ARHGEF1: variants seen among roughly 807,000 people sequenced by gnomAD.
ARHGEF1 encodes the protein 115 kDa guanine nucleotide exchange factor.
ARHGEF1 carries 40 observed loss-of-function variants against 119.7 expected under a neutral mutation model. The ratio of observed to expected loss-of-function variants is 0.33; its 90% confidence interval spans 0.26 to 0.44. The LOEUF is 0.44. Ranked by LOEUF, ARHGEF1 falls within the 20% of genes least tolerant of loss-of-function variation. ARHGEF1 has a pLI of 1.00. For synonymous variants in ARHGEF1, 494 were observed against 521.0 expected (o/e 0.95, Z 0.71); for missense variants, 976 against 1,268.3 (o/e 0.77, Z 3.50).
chr19:41,895,213 T>G (rs1179984946), intron 11 of ARHGEF1, 136 bp from the exon 12 acceptor site: 9 of 1,189,166 alleles, frequency 7.6e-6, no homozygotes, highest in Non-Finnish European at 1.1e-5. Flanking sequence ...GGTTGAGGGC[T>G]CCTGGGTCTG....
At chr19:41,886,984 A>T (rs2074303048) in intron 1 of ARHGEF1, among the ~76,000 whole-genome samples, 1 of 152,170 alleles carries the variant, frequency 6.6e-6, no homozygotes, top group Non-Finnish European at 1.5e-5. Context: ...AGAAGTGGAG[A>T]CTCAAGGAGA....
At chr19:41,894,710 A>T (rs1555847162) in intron 11 of ARHGEF1, 49 bp downstream of exon 11, 2 of 1,602,570 alleles carry the variant, frequency 1.2e-6, no homozygotes, top group Admixed American at 1.7e-5. Context: ...TGTGTGGGAG[A>T]GGCTAGGACC....
chr19:41,912,793 C>A (rs2074761209), intron 18 of ARHGEF1: 1 of 388,636 alleles, frequency 2.6e-6, no homozygotes, highest in Non-Finnish European at 3.5e-6. Flanking sequence ...AAGGGGGATG[C>A]GGCTCACTGG....
chr19:41,894,919 G>C (rs1655136434), intron 11 of ARHGEF1, among the ~76,000 whole-genome samples: 1 of 111,480 alleles, frequency 9.0e-6, no homozygotes. Flanking sequence ...TCTGAGGGAG[G>C]AGGGGCTGGG....
In ARHGEF1 at chr19:41,916,207, C is replaced by T. The variant is rs1296128130; in HGVS notation, c.1866-6885C>T. On this transcript the variant is annotated intron_variant, in intron 18 of 20. Transcript: ENST00000599589. This position sits in a 1 kb window ranked among gnomAD's most constrained non-coding sequence, Gnocchi z 5.4. ...CCACCACGTCCCACACAGCACACAT[C>T]GCACAGATGCACACACCAGCACAGC... Among the ~76,000 whole-genome samples the T allele has an allele frequency of 2.0e-5, 3 of 151,990 alleles. No homozygotes were observed. Among genetic ancestry groups the T allele is most frequent in the Admixed American group, 1.3e-4 (2 of 15,270 alleles).
rs1315489282 is a variant in ARHGEF1 at position 41,902,140 on chromosome 19, G to T, written c.1414+107G>T. 1.3e-6 allele frequency: 2 copies of T among 1,559,588 alleles called. No homozygotes were observed. The highest frequency in any genetic ancestry group is 1.7e-6 in the Non-Finnish European group (2 of 1,143,624). ...GGAACCCCAGGGTTCACATGGGGTG[G>T]GGGCAGATACGCCATCCGGTCCCGA... On this transcript the variant is annotated intron_variant, in intron 15 of 28. Coordinates refer to ENST00000354532, the MANE Select transcript of ARHGEF1 (RefSeq NM_004706.4). The surrounding 1 kb of genome is among the most constrained non-coding windows in gnomAD (Gnocchi z 6.5).
rs1368700084 is a variant in ARHGEF1 at position 41,883,463 on chromosome 19, G to A, written c.-20+174G>A. 6.6e-6 allele frequency among the ~76,000 whole-genome samples: 1 copy of A among 152,246 alleles called. No individual in the cohort carries two copies. Among genetic ancestry groups the A allele is most frequent in the African/African-American group, 2.4e-5 (1 of 41,478 alleles). ...TTTCCCATCTGTCAAAGGGAGCAAA[G>A]AGGGGAGAACTCACACTTGACGAGT... On this transcript the variant is annotated intron_variant, in intron 1 of 28. Transcript: ENST00000354532. This position sits in a 1 kb window ranked among gnomAD's most constrained non-coding sequence, Gnocchi z 7.6.
downstream of ARHGEF1, chr19:41,909,484 T>G (rs1377159016): frequency 8.0e-7 from 1 of 1,244,832 alleles, no homozygotes; most frequent in African/African-American, 1.6e-5. This position sits in a 1 kb window ranked among gnomAD's most constrained non-coding sequence, Gnocchi z 5.2. Flanking sequence ...GTGGGGAGAG[T>G]GGTGGTGTTG....
At chr19:41,919,876 G>A (rs1051580776), upstream of ARHGEF1, among the ~76,000 whole-genome samples, 14 of 152,006 alleles carry the variant, frequency 9.2e-5, no homozygotes, top group African/African-American at 3.1e-4. Flanking sequence ...AGCTTTGGAC[G>A]GTCACACCAG....
chr19:41,913,454 C>G (rs2074766666), intron 18 of ARHGEF1, among the ~76,000 whole-genome samples: 2 of 151,990 alleles, frequency 1.3e-5, no homozygotes, highest in South Asian at 4.2e-4. Context: ...GGACGACCCC[C>G]AGGCGGGCTC....
In ARHGEF1 at chr19:41,889,999, T is replaced by TG. The variant is rs2074350655; in HGVS notation, c.225+1135dup. On this transcript the variant is annotated intron_variant, in intron 4 of 28. Coordinates refer to ENST00000354532, the MANE Select transcript of ARHGEF1 (RefSeq NM_004706.4). The surrounding 1 kb of genome is among the most constrained non-coding windows in gnomAD (Gnocchi z 4.0). ...CGAGGCCTAGAGAGGGTCAGGGACT[T>TG]GCCTGAGGTGACCCCGGCGGCCTCT... 6.6e-6 allele frequency: 1 copy of TG among 152,164 alleles called. No individual in the cohort carries two copies. The highest frequency in any genetic ancestry group is 1.5e-5 in the Non-Finnish European group (1 of 68,048). 9.4% of individuals were successfully genotyped at this position (152,164 alleles called of 1,614,324 possible). A position where few individuals can be genotyped will look rare whatever the true frequency, so the allele number is the denominator to read the frequency against.
chr19:41,908,952 C>T, downstream of ARHGEF1: 1 of 679,924 alleles, frequency 1.5e-6, no homozygotes, highest in South Asian at 8.0e-5. The surrounding 1 kb of genome is among the most constrained non-coding windows in gnomAD (Gnocchi z 6.7). Context: ...ACAACCTGGC[C>T]CTGGGCCCCC....
chr19:41,907,564 A>G (rs1035927901), downstream of ARHGEF1: 38 of 613,160 alleles, frequency 6.2e-5, no homozygotes, highest in Non-Finnish European at 8.5e-5. Context: ...CCAGTTGTTC[A>G]TTCATTCATT....
Position 41,903,985 on chromosome 19 carries a change from C to T in ARHGEF1, c.1918-50C>T. 6.3e-7 allele frequency: 1 copy of T among 1,578,664 alleles called. No individual in the cohort carries two copies. Among genetic ancestry groups the T allele is most frequent in the East Asian group, 2.2e-5 (1 of 44,580 alleles). ...CCTGCCCTTCCCCTCCCCACCAACC[C>T]CAATCACCCCCTGCCAACCTGCACA... is the stretch of plus-strand genomic sequence containing the variant. On this transcript the variant is annotated intron_variant, in intron 20 of 28. Transcript: ENST00000354532. This position sits in a 1 kb window ranked among gnomAD's most constrained non-coding sequence, Gnocchi z 4.2.
At chr19:41,901,177 G>T (rs1555848955) in intron 14 of ARHGEF1, among the ~76,000 whole-genome samples, 2 of 150,818 alleles carry the variant, frequency 1.3e-5, no homozygotes, top group African/African-American at 4.9e-5. Context: ...TTGAGACGGA[G>T]TCTCGTTCTG....
At chr19:41,921,880 C>T (rs1297515812), upstream of ARHGEF1, among the ~76,000 whole-genome samples, 1 of 151,808 alleles carries the variant, frequency 6.6e-6, no homozygotes, top group African/African-American at 2.4e-5. This position sits in a 1 kb window ranked among gnomAD's most constrained non-coding sequence, Gnocchi z 4.4. Flanking sequence ...CACCCTACCC[C>T]TCCTCCTCCT....
chr19:41,912,826 G>A, intron 18 of ARHGEF1: 2 of 949,098 alleles, frequency 2.1e-6, no homozygotes, highest in Non-Finnish European at 1.4e-6. Context: ...GGTGGGGGAA[G>A]GGGTGGGGGA....
chr19:41,917,899 G>A lies in ARHGEF1; in HGVS notation c.1866-5193G>A, dbSNP rs921977046. ...AACACCCTGTCCCATCTGGGTGCACGAAGCCAGCTCCCCGCGGTCACACAC... is the reference window on the plus strand; with the variant it reads ...AACACCCTGTCCCATCTGGGTGCACAAAGCCAGCTCCCCGCGGTCACACAC... On this transcript the variant is annotated intron_variant, in intron 18 of 20. Coordinates refer to the ARHGEF1 transcript ENST00000599589. The surrounding 1 kb of genome is among the most constrained non-coding windows in gnomAD (Gnocchi z 4.8). Among the ~76,000 whole-genome samples the A allele has an allele frequency of 3.3e-5, 5 of 151,854 alleles. No individual in the cohort carries two copies. Among genetic ancestry groups the A allele is most frequent in the African/African-American group, 9.7e-5 (4 of 41,246 alleles).
rs2074629269 is a variant in ARHGEF1, at chr19:41,902,974, AGT to A, written c.1738+78_1738+79del. On this transcript the variant is annotated intron_variant, in intron 18 of 28. Transcript: ENST00000354532. This position sits in a 1 kb window ranked among gnomAD's most constrained non-coding sequence, Gnocchi z 6.5. ...ATTTTTTTTCTCACTCATTTTCATC[AGT>A]GATACCATCACAGCTCACTGCAGCC... 1 of 1,212,516 alleles carries A rather than the reference AGT, an allele frequency of 8.2e-7. No individual in the cohort carries two copies. The highest frequency in any genetic ancestry group is 1.1e-6 in the Non-Finnish European group (1 of 880,578). 75.1% of individuals were successfully genotyped at this position (1,212,516 alleles called of 1,614,324 possible). A position where few individuals can be genotyped will look rare whatever the true frequency, so the allele number is the denominator to read the frequency against.
Sources: gnomAD v4.1 joint callset for allele counts (sites outside exome capture counted in the v4.1 genomes callset) on GRCh38, gnomAD v4.1.1 for gene constraint, Gnocchi (gnomAD v3.1) non-coding constraint, MANE v1.5 for transcripts, NCBI Gene and HGNC (gene_info 2026-07-23, HGNC 2026-07-21) for gene names.